EPB41L4A: variants seen among roughly 807,000 people sequenced by gnomAD.
The protein encoded by EPB41L4A is band 4.1-like protein 4A.
Under a neutral mutation model 108.6 loss-of-function variants are expected in EPB41L4A, and 100 were observed. The observed-to-expected ratio is 0.92, with a 90% CI of 0.78 to 1.09. The LOEUF (loss-of-function observed/expected upper bound fraction) is 1.09, where lower values mean the gene tolerates loss of function less well. Among genes scored for constraint, EPB41L4A ranks in the 50% least tolerant of loss-of-function variants. The probability of loss-of-function intolerance (pLI) is 0.00; values close to 1 mark genes in which losing one functional copy is unlikely to be tolerated. For missense variants in EPB41L4A, 1,030 were observed against 842.7 expected (o/e 1.22, Z -2.75); for synonymous variants, 319 against 289.0 (o/e 1.10, Z -1.05).
chr5:112,239,766 A>G (rs764259130), intron 10 of EPB41L4A, 29 bp from the exon 11 acceptor site: 4 of 1,538,104 alleles, frequency 2.6e-6, no homozygotes, highest in Non-Finnish European at 3.6e-6. Flanking sequence ...AAAATCAGAC[A>G]AAGACTCAAT....
At chr5:112,148,983 AATTCAGAATATTTC>A (rs1394928111) in intron 12 of EPB41L4A, among the ~76,000 whole-genome samples, 2 of 152,208 alleles carry the variant, frequency 1.3e-5, no homozygotes, top group Admixed American at 1.3e-4. Flanking sequence ...TATCTTGTAA[AATTCAGAATATTTC>A]ATATCTAGTA....
exon 13 of EPB41L4A, chr5:112,145,910 A>G (rs1759236028): frequency 2.2e-6 from 1 of 456,732 alleles, no homozygotes; most frequent in Non-Finnish European, 4.4e-6. Context: ...TTCATCCAGA[A>G]GTGTATTATG....
Position 112,253,480 on chromosome 5 carries a change from T to C in EPB41L4A, c.795+5749A>G, listed in dbSNP as rs185580863. Among the ~76,000 whole-genome samples, 3 of 152,270 alleles carry C rather than the reference T, an allele frequency of 2.0e-5. 1 individual carries two copies. Among genetic ancestry groups the C allele is most frequent in the Admixed American group, 2.0e-4 (3 of 15,294 alleles). On this transcript the variant is annotated intron_variant, in intron 9 of 22. Transcript: ENST00000261486. Reference sequence around the variant, plus strand: ...AGGAGGTTATCTGAATTCTATACCATAGGGGAGAAATGCTAAAAAGGACAT... The same window carrying C: ...AGGAGGTTATCTGAATTCTATACCACAGGGGAGAAATGCTAAAAAGGACAT...
chr5:112,247,958 C>A (rs1750368139), intron 9 of EPB41L4A, among the ~76,000 whole-genome samples: 1 of 152,136 alleles, frequency 6.6e-6, no homozygotes, highest in Non-Finnish European at 1.5e-5. Flanking sequence ...TCAAATCCAA[C>A]CAGAATTGAG....
chr5:112,173,333 G>A (rs971871852), intron 18 of EPB41L4A, among the ~76,000 whole-genome samples: 6 of 152,014 alleles, frequency 3.9e-5, no homozygotes, highest in African/African-American at 1.4e-4. Context: ...AGTTATGAGT[G>A]GCCAGGAGGA....
chr5:112,361,318 C>G (rs1235882521), intron 1 of EPB41L4A, among the ~76,000 whole-genome samples: 8 of 152,150 alleles, frequency 5.3e-5, no homozygotes, highest in African/African-American at 1.7e-4. Flanking sequence ...TGCTTGAAGG[C>G]AGCATGCTCG....
chr5:112,383,719 AAC>A lies in EPB41L4A; in HGVS notation c.99+35220_99+35221del, dbSNP rs575048335. The stretch of plus-strand genomic sequence containing the variant: ...GTATTCAGACAACTTTTGGTACACT[AAC>A]AGACAAATCAATAAAATGGGGGTGG... On this transcript the variant is annotated intron_variant, in intron 1 of 22. Coordinates refer to ENST00000261486, the MANE Select transcript of EPB41L4A (RefSeq NM_022140.5). Among the ~76,000 whole-genome samples the A allele has an allele frequency of 2.0e-3, 301 of 152,290 alleles. 1 individual carries two copies. The highest frequency in any genetic ancestry group is 6.9e-3 in the African/African-American group (287 of 41,566).
At chr5:112,388,371 G>A (rs1397241945) in intron 1 of EPB41L4A, among the ~76,000 whole-genome samples, 2 of 152,110 alleles carry the variant, frequency 1.3e-5, no homozygotes, top group East Asian at 3.9e-4. Context: ...TACCCACCTG[G>A]CCCAGGTCAC....
chr5:112,339,230 G>A (rs1204643466), intron 1 of EPB41L4A, among the ~76,000 whole-genome samples: 1 of 151,976 alleles, frequency 6.6e-6, no homozygotes, highest in African/African-American at 2.4e-5. Context: ...GTGAATCAGG[G>A]CTGGCTATCA....
intron 1 of EPB41L4A, among the ~76,000 whole-genome samples, chr5:112,388,091 G>A (rs7706737): frequency 0.14 from 21,391 of 152,144 alleles, 4,221 homozygotes; most frequent in African/African-American, 0.44. Context: ...TGTTTCAGCA[G>A]AAATTCACAG....
At chr5:112,398,328 C>CTATCAGCCTCCATAA (rs1212753022) in intron 1 of EPB41L4A, among the ~76,000 whole-genome samples, 1 of 152,160 alleles carries the variant, frequency 6.6e-6, no homozygotes, top group Non-Finnish European at 1.5e-5. Context: ...GAGTGAAGCG[C>CTATCAGCCTCCATAA]TATCAGCCTC....
intron 1 of EPB41L4A, among the ~76,000 whole-genome samples, chr5:112,388,542 C>G (rs762197730): frequency 6.6e-6 from 1 of 152,160 alleles, no homozygotes. Context: ...GTCAGAACCA[C>G]TGAATTGAAG....
At chr5:112,220,112 C>G (rs1747943532) in intron 12 of EPB41L4A, among the ~76,000 whole-genome samples, 1 of 152,180 alleles carries the variant, frequency 6.6e-6, no homozygotes, top group South Asian at 2.1e-4. Flanking sequence ...AGCAACAAGT[C>G]TATTCCTACT....
At chr5:112,414,096 C>G (rs1425693779) in intron 1 of EPB41L4A, among the ~76,000 whole-genome samples, 2 of 152,134 alleles carry the variant, frequency 1.3e-5, no homozygotes, top group Non-Finnish European at 2.9e-5. Context: ...TTAGCGGTGC[C>G]AAAATTTAAA....
At chr5:112,244,544 G>T (rs974137273) in intron 9 of EPB41L4A, among the ~76,000 whole-genome samples, 1 of 152,198 alleles carries the variant, frequency 6.6e-6, no homozygotes, top group Non-Finnish European at 1.5e-5. Context: ...AGATTTTATA[G>T]GCAGGCTGCA....
intron 2 of EPB41L4A, among the ~76,000 whole-genome samples, chr5:112,291,485 T>C (rs1026496626): frequency 2.6e-5 from 4 of 152,218 alleles, no homozygotes; most frequent in African/African-American, 9.6e-5. Flanking sequence ...TGTTAGTCTT[T>C]TGTTGAAATG....
At chr5:112,397,760 G>C (rs190775199) in intron 1 of EPB41L4A, among the ~76,000 whole-genome samples, 2 of 152,158 alleles carry the variant, frequency 1.3e-5, no homozygotes, top group Non-Finnish European at 2.9e-5. Context: ...CTTCATAAAA[G>C]CCCTATATGA....
chr5:112,167,123 CAAA>C (rs10642511), intron 22 of EPB41L4A, among the ~76,000 whole-genome samples: 9 of 110,582 alleles, frequency 8.1e-5, no homozygotes, highest in East Asian at 2.7e-4. Context: ...AAATTTAAGA[CAAA>C]AAAAAAAAAA....
At chr5:112,211,536 T>C (rs1762742375) in intron 12 of EPB41L4A, among the ~76,000 whole-genome samples, 1 of 148,456 alleles carries the variant, frequency 6.7e-6, no homozygotes, top group Non-Finnish European at 1.5e-5. Context: ...TGTAGTGAGC[T>C]GAGATTGCGC....
Sources: allele counts gnomAD v4.1 joint callset (sites outside exome capture counted in the v4.1 genomes callset), GRCh38; gene constraint gnomAD v4.1.1; transcripts MANE v1.5; gene names NCBI Gene and HGNC (gene_info 2026-07-23, HGNC 2026-07-21).